ZBTB16: variants seen among roughly 807,000 people sequenced by gnomAD.
ZBTB16 encodes zinc finger and BTB domain-containing protein 16.
ZBTB16 carries 8 observed loss-of-function variants against 56.8 expected under a neutral mutation model. The ratio of observed to expected loss-of-function variants is 0.14; its 90% confidence interval spans 0.08 to 0.25. The LOEUF (loss-of-function observed/expected upper bound fraction) is 0.25, where lower values mean the gene tolerates loss of function less well. ZBTB16 is among the 10% of genes least tolerant of loss of function. The pLI, the probability that ZBTB16 is intolerant of heterozygous loss-of-function variation, is 1.00. For synonymous variants in ZBTB16, 363 were observed against 368.5 expected (o/e 0.98, Z 0.17); for missense variants, 625 against 903.0 (o/e 0.69, Z 3.95).
At chr11:114,194,438 G>C (rs771047142) in intron 4 of ZBTB16, among the ~76,000 whole-genome samples, 8 of 152,200 alleles carry the variant, frequency 5.3e-5, no homozygotes, top group Non-Finnish European at 1.2e-4. Flanking sequence ...ACGGGCTCAA[G>C]CTGGTGTTCT....
Position 114,156,349 on chromosome 11 carries a change from T to A in ZBTB16, c.1281T>A (p.Ser427Arg). Residue 427 changes from serine to arginine, a missense_variant, in exon 3 of 7, where the codon AGT becomes AGA. By Grantham distance (110) the Ser-to-Arg change is moderately radical. Around this residue, in one of 6 missense-constraint regions of ZBTB16, gnomAD observed 140 missense variants for 214.8 expected, o/e 0.65. Transcript: ENST00000335953. ...CTTTCCCTTACAGGAAGCTGCACAG[T>A]GGGATGAAGACGTACGGGTGCGAGC... is the stretch of plus-strand genomic sequence containing the variant. Reference protein sequence around the residue: ...EAVEQHRKLHSGMKTYGCELC... With the variant: ...EAVEQHRKLHRGMKTYGCELC... 6.2e-7 allele frequency: 1 copy of A among 1,614,150 alleles called. No individual in the cohort carries two copies. Among genetic ancestry groups the A allele is most frequent in the South Asian group, 1.1e-5 (1 of 91,082 alleles).
intron 2 of ZBTB16, among the ~76,000 whole-genome samples, chr11:114,091,326 G>A (rs1437862647): frequency 2.6e-5 from 4 of 152,282 alleles, no homozygotes; most frequent in African/African-American, 7.2e-5. Context: ...TCAGCTAGGT[G>A]ACAGAGTGGG....
At chr11:114,097,796 C>G (rs978219878) in intron 2 of ZBTB16, among the ~76,000 whole-genome samples, 1 of 152,088 alleles carries the variant, frequency 6.6e-6, no homozygotes, top group African/African-American at 2.4e-5. Context: ...TCTAGTTGAC[C>G]TCTTCCCAGA....
intron 3 of ZBTB16, 24 bp from the exon 4 acceptor site, chr11:114,186,928 G>A (rs544966997): frequency 6.2e-7 from 1 of 1,612,592 alleles, no homozygotes; most frequent in East Asian, 2.2e-5. Flanking sequence ...TGCTCTAGTG[G>A]TAACTGCCTC....
Position 114,241,011 on chromosome 11 carries a change from T to G in ZBTB16, c.1454-1156T>G, listed in dbSNP as rs548090244. ...TGTCTGATCCTCCCACCGGCCATGT[T>G]TCCTCCTGGCCCAGAGTGTTCACAG... On this transcript the variant is annotated intron_variant, in intron 4 of 6. Transcript: ENST00000335953. 1.9e-4 allele frequency among the ~76,000 whole-genome samples: 29 copies of G among 152,258 alleles called. 1 individual carries two copies. The South Asian group carries it at 4.4e-3, about 23-fold the overall frequency.
intron 2 of ZBTB16, among the ~76,000 whole-genome samples, chr11:114,141,040 C>T (rs901570741): frequency 4.6e-5 from 7 of 152,140 alleles, no homozygotes; most frequent in African/African-American, 1.7e-4. Flanking sequence ...CAGGACTCCG[C>T]ATCATCAGCC....
chr11:114,250,501 G>A lies in ZBTB16; in HGVS notation c.1968G>A (p.Glu656=). 1 of 1,614,196 alleles carries A rather than the reference G, an allele frequency of 6.2e-7. No homozygotes were observed. Among genetic ancestry groups the A allele is most frequent in the Non-Finnish European group, 8.5e-7 (1 of 1,180,028 alleles). ...QKHMKGHKPE[E]IPPDWRIEKT... ...ACATGAAGGGCCACAAGCCCGAGGA[G>A]ATCCCGCCCGACTGGAGGATAGAGA... is the stretch of plus-strand genomic sequence containing the variant. Residue 656 remains glutamate, a synonymous_variant, in exon 7 of 7, where the codon GAG becomes GAA. Coordinates refer to ENST00000335953, the MANE Select transcript of ZBTB16 (RefSeq NM_006006.6). This position sits in a 1 kb window ranked among gnomAD's most constrained non-coding sequence, Gnocchi z 6.0.
At chr11:114,133,027 T>C (rs1270997834) in intron 2 of ZBTB16, among the ~76,000 whole-genome samples, 1 of 152,178 alleles carries the variant, frequency 6.6e-6, no homozygotes, top group Non-Finnish European at 1.5e-5. Context: ...CGGCAATGAA[T>C]ATTTTATGGG....
intron 4 of ZBTB16, among the ~76,000 whole-genome samples, chr11:114,214,251 A>G (rs1944050270): frequency 6.6e-6 from 1 of 152,194 alleles, no homozygotes; most frequent in Admixed American, 6.5e-5. Context: ...TATGTTCAAT[A>G]AGTACTGATT....
At chr11:114,116,515 A>C (rs898570530) in intron 2 of ZBTB16, among the ~76,000 whole-genome samples, 11 of 152,190 alleles carry the variant, frequency 7.2e-5, no homozygotes, top group Admixed American at 6.5e-4. Context: ...GTGATTGAGC[A>C]TTGCGTCATT....
chr11:114,209,593 G>A (rs1943955513), intron 4 of ZBTB16: 6 of 985,274 alleles, frequency 6.1e-6, no homozygotes, highest in Admixed American at 6.1e-5. Context: ...TTCTTGCAAG[G>A]CAACTGCCTC....
chr11:114,139,692 G>C (rs999789867), intron 2 of ZBTB16, among the ~76,000 whole-genome samples: 4 of 150,872 alleles, frequency 2.7e-5, no homozygotes, highest in Admixed American at 2.6e-4. Context: ...GAAGGTGCCA[G>C]TTTCTGCAGC....
chr11:114,204,899 G>A (rs1943821810), intron 4 of ZBTB16, among the ~76,000 whole-genome samples: 1 of 152,270 alleles, frequency 6.6e-6, no homozygotes, highest in South Asian at 2.1e-4. Context: ...AGCTGGATTT[G>A]GGCAGGTAAT....
chr11:114,167,228 T>G (rs1198395008), intron 3 of ZBTB16, among the ~76,000 whole-genome samples: 3,161 of 71,112 alleles, frequency 0.044, 234 homozygotes, highest in African/African-American at 0.24. Context: ...TTTTTTTTTT[T>G]TTGGTTTTTT....
At chr11:114,148,332 G>T (rs1419147569) in intron 2 of ZBTB16, among the ~76,000 whole-genome samples, 2 of 93,660 alleles carry the variant, frequency 2.1e-5, no homozygotes, top group African/African-American at 7.8e-5. Flanking sequence ...TGCATGGCTG[G>T]CTGGCTTCCT....
chr11:114,112,619 T>A (rs1349136214), intron 2 of ZBTB16, among the ~76,000 whole-genome samples: 1 of 152,236 alleles, frequency 6.6e-6, no homozygotes, highest in Non-Finnish European at 1.5e-5. Context: ...TAAAGATTTC[T>A]CTACTTGAGG....
chr11:114,127,133 G>A (rs1485744460), intron 2 of ZBTB16, among the ~76,000 whole-genome samples: 3 of 152,172 alleles, frequency 2.0e-5, no homozygotes, highest in East Asian at 1.9e-4. Context: ...AGAGCTTGGT[G>A]ACAGCAGTGT....
intron 3 of ZBTB16, among the ~76,000 whole-genome samples, chr11:114,175,969 G>A (rs1943100592): frequency 7.2e-6 from 1 of 139,086 alleles, no homozygotes; most frequent in Non-Finnish European, 1.6e-5. Flanking sequence ...ATCCTACTCA[G>A]GGGAGAGGGG....
intron 2 of ZBTB16, among the ~76,000 whole-genome samples, chr11:114,091,440 G>A (rs1189370888): frequency 1.3e-5 from 2 of 151,986 alleles, no homozygotes; most frequent in African/African-American, 4.8e-5. Context: ...CTCCTGGCCT[G>A]TGGATGTCCG....
Sources: gnomAD v4.1 joint callset for allele counts (sites outside exome capture counted in the v4.1 genomes callset) on GRCh38, gnomAD v4.1.1 for gene constraint, gnomAD v4.1.1 regional missense constraint, Gnocchi (gnomAD v3.1) non-coding constraint, MANE v1.5 for transcripts, NCBI Gene and HGNC (gene_info 2026-07-23, HGNC 2026-07-21) for gene names.